The following TAF2 variants were observed in gnomAD, a reference collection of about 807,000 sequenced individuals.
TAF2 encodes the protein TATA-box binding protein associated factor 2.
In TAF2, 61 loss-of-function variants were observed where a neutral mutation model predicts 138.5. The ratio of observed to expected loss-of-function variants is 0.44; its 90% CI spans 0.36 to 0.54. The LOEUF (loss-of-function observed/expected upper bound fraction) is 0.54, where lower values mean the gene tolerates loss of function less well. TAF2 is among the 20% of genes least tolerant of loss of function. The pLI is 0.00. For missense variants in TAF2, 1,090 were observed against 1,427.9 expected (o/e 0.76, Z 3.81); for synonymous variants, 475 against 469.9 (o/e 1.01, Z -0.14).
intron 4 of TAF2, 126 bp downstream of exon 4, chr8:119,806,157 C>T: frequency 1.2e-6 from 1 of 855,610 alleles, no homozygotes; most frequent in Non-Finnish European, 2.0e-6. Context: ...CCGCCTCAGC[C>T]TCCCAAAGTG....
chr8:119,781,358 A>C (rs1240306239), intron 16 of TAF2, among the ~76,000 whole-genome samples, 165 bp from the exon 17 acceptor site: 1 of 152,166 alleles, frequency 6.6e-6, no homozygotes, highest in African/African-American at 2.4e-5. Context: ...ATTTCCAAGA[A>C]ATTATACAAA....
rs7813438 is a variant in TAF2, at chr8:119,801,780, A to G, written c.792+14T>C. On this transcript the variant is annotated intron_variant, in intron 6 of 25. Transcript: ENST00000378164. ...GGGCCAGGAGGAGAGTAAGAGAGGA[A>G]AGCTCTGACTTACCTCATGCATGTA... The G allele has an allele frequency of 0.57, 908,093 of 1,606,292 alleles. 259,247 individuals are homozygous for G. Among genetic ancestry groups the G allele is most frequent in the Middle Eastern group, 0.69 (4,171 of 6,054 alleles).
intron 3 of TAF2, 130 bp downstream of exon 3, chr8:119,819,216 C>G: frequency 3.2e-6 from 3 of 941,152 alleles, no homozygotes; most frequent in East Asian, 2.4e-5. Flanking sequence ...AGTGGTAAAA[C>G]AGATAAAGAT....
chr8:119,817,413 G>A (rs555739760), intron 3 of TAF2, among the ~76,000 whole-genome samples: 5 of 152,092 alleles, frequency 3.3e-5, no homozygotes, highest in African/African-American at 1.2e-4. Context: ...CACTACTTAT[G>A]AGAATCTAAT....
rs1825018449 is a variant in TAF2, at chr8:119,811,037, T to C, written c.300-4636A>G. On this transcript the variant is annotated intron_variant, in intron 3 of 25. Coordinates refer to ENST00000378164, the MANE Select transcript of TAF2 (RefSeq NM_003184.4). ...CTCATAGAAGTCAAAAATTACAGTGTAAAATTATAATGTGTTTTCAATTTT... is the reference window on the plus strand; with the variant it reads ...CTCATAGAAGTCAAAAATTACAGTGCAAAATTATAATGTGTTTTCAATTTT... Among the ~76,000 whole-genome samples the C allele has an allele frequency of 2.0e-5, 3 of 152,160 alleles. No homozygotes were observed. The South Asian group carries it at 6.2e-4, about 31-fold the overall frequency.
chr8:119,788,792 C>G lies in TAF2; in HGVS notation c.1681G>C (p.Val561Leu). 2 of 1,609,784 alleles carry G rather than the reference C, an allele frequency of 1.2e-6. No homozygotes were observed. The highest frequency in any genetic ancestry group is 1.7e-6 in the Non-Finnish European group (2 of 1,176,180). ...GGCGATTTTGGAAAAAGACTTACCA[C>G]GTATTTCTGAGTTCCAGGAGATGTA... is the stretch of plus-strand genomic sequence containing the variant. ...DYTSPGTQKYVGPLKVTVQEL... is the reference protein window; with the variant it reads ...DYTSPGTQKYLGPLKVTVQEL... Residue 561 changes from valine to leucine, a missense_variant and splice_region_variant, in exon 13 of 26, where the codon GTG (valine) becomes CTG (leucine). Val to Leu is a conservative substitution (Grantham distance 32). Around this residue, in one of 3 missense-constraint regions of TAF2, gnomAD observed 504 missense variants for 680.9 expected, o/e 0.74. Transcript: ENST00000378164.
At position 119,731,878 on chromosome 8, in the gene TAF2, C is replaced by T; in HGVS notation, c.*46G>A. 1.9e-6 allele frequency: 3 copies of T among 1,572,340 alleles called. No homozygotes were observed. Among genetic ancestry groups the T allele is most frequent in the South Asian group, 2.2e-5 (2 of 89,846 alleles). On this transcript the variant is annotated 3_prime_UTR_variant, in exon 26 of 26. Transcript: ENST00000378164. Reference sequence around the variant, plus strand: ...TTCACAGAGGACAAAGCTTTAGTTACATACATTCTTCTGGACATGAAAGGA... The same window carrying T: ...TTCACAGAGGACAAAGCTTTAGTTATATACATTCTTCTGGACATGAAAGGA...
At chr8:119,744,484 C>A in intron 23 of TAF2, 91 bp from the exon 24 acceptor site, 1 of 1,051,288 alleles carries the variant, frequency 9.5e-7, no homozygotes, top group African/African-American at 1.6e-5. Flanking sequence ...AGCAGAGAGG[C>A]CATAGGATAT....
chr8:119,783,692 T>C, intron 15 of TAF2, 59 bp from the exon 16 acceptor site: 1 of 1,525,020 alleles, frequency 6.6e-7, no homozygotes, highest in Non-Finnish European at 8.9e-7. Context: ...TCTATATATT[T>C]AGAAAATAAA....
chr8:119,759,716 GTCAGCTGAAAATTATC>G (rs1179279930), intron 20 of TAF2, among the ~76,000 whole-genome samples: 3 of 151,958 alleles, frequency 2.0e-5, no homozygotes, highest in African/African-American at 7.3e-5. Context: ...TCACATCCAG[GTCAGCTGAAAATTATC>G]TTTGGGAGTT....
intron 3 of TAF2, among the ~76,000 whole-genome samples, chr8:119,813,952 G>T (rs1207074098): frequency 6.6e-6 from 1 of 151,956 alleles, no homozygotes; most frequent in Non-Finnish European, 1.5e-5. Flanking sequence ...CATGCATCCA[G>T]TAAAAAATAA....
At chr8:119,810,710 T>C (rs1031673373) in intron 3 of TAF2, among the ~76,000 whole-genome samples, 9 of 152,212 alleles carry the variant, frequency 5.9e-5, no homozygotes, top group African/African-American at 2.2e-4. Context: ...TTATTTTCAA[T>C]AAAATTTCAA....
chr8:119,763,775 C>T (rs1821230293), intron 18 of TAF2, among the ~76,000 whole-genome samples: 1 of 151,678 alleles, frequency 6.6e-6, no homozygotes, highest in South Asian at 2.1e-4. Flanking sequence ...GCCTGGGTGA[C>T]AGAGCAAGAC....
At chr8:119,765,896 T>C (rs1045466810) in intron 18 of TAF2, among the ~76,000 whole-genome samples, 1 of 152,196 alleles carries the variant, frequency 6.6e-6, no homozygotes, top group Non-Finnish European at 1.5e-5. Flanking sequence ...ACACGCTTTT[T>C]CTTAATAGAT....
chr8:119,819,247 C>T lies in TAF2; in HGVS notation c.299+99G>A, dbSNP rs1029844605. The T allele has an allele frequency of 7.8e-5, 100 of 1,279,282 alleles. No individual in the cohort carries two copies. The Middle Eastern group carries it at 2.1e-3, about 27-fold the overall frequency. 79.2% of individuals were successfully genotyped at this position (1,279,282 alleles called of 1,614,324 possible). A position where few individuals can be genotyped will look rare whatever the true frequency, so the allele number is the denominator to read the frequency against. On this transcript the variant is annotated intron_variant, in intron 3 of 25. Coordinates refer to ENST00000378164, the MANE Select transcript of TAF2 (RefSeq NM_003184.4). Reference sequence around the variant, plus strand: ...AAGATTGGGATTCAAAGCCCATTAACGATCCAAAAAAAAAATACTTTGAGA... The same window carrying T: ...AAGATTGGGATTCAAAGCCCATTAATGATCCAAAAAAAAAATACTTTGAGA...
chr8:119,733,122 C>A (rs981238324), intron 25 of TAF2, among the ~76,000 whole-genome samples: 2 of 152,144 alleles, frequency 1.3e-5, no homozygotes, highest in Non-Finnish European at 2.9e-5. Context: ...TGGAACTAAT[C>A]CCCTCTGCGT....
chr8:119,823,145 T>C (rs1229700564), intron 2 of TAF2, among the ~76,000 whole-genome samples: 1 of 152,252 alleles, frequency 6.6e-6, no homozygotes, highest in African/African-American at 2.4e-5. Context: ...AGGTTTTAAA[T>C]GCCTTTAGAT....
chr8:119,826,479 G>A (rs975533148), intron 2 of TAF2, among the ~76,000 whole-genome samples: 2 of 152,102 alleles, frequency 1.3e-5, no homozygotes, highest in African/African-American at 2.4e-5. Flanking sequence ...TATTAGCAGC[G>A]TGAAAATGGA....
intron 21 of TAF2, 30 bp from the exon 22 acceptor site, chr8:119,756,145 C>T: frequency 6.4e-6 from 10 of 1,560,058 alleles, no homozygotes; most frequent in Non-Finnish European, 8.8e-6. Flanking sequence ...TAAATTTTTG[C>T]TGACCTTTTA....
Sources: gnomAD v4.1 joint callset for allele counts (sites outside exome capture counted in the v4.1 genomes callset) on GRCh38, gnomAD v4.1.1 for gene constraint, gnomAD v4.1.1 regional missense constraint, MANE v1.5 for transcripts, NCBI Gene and HGNC (gene_info 2026-07-23, HGNC 2026-07-21) for gene names.